The following SRP72 variants were observed in gnomAD, a reference collection of about 807,000 sequenced individuals.
SRP72 encodes the protein signal recognition particle subunit SRP72.
Under a neutral mutation model 96.3 loss-of-function variants are expected in SRP72, and 49 were observed. The observed-to-expected ratio is 0.51, with a 90% CI of 0.40 to 0.65. The LOEUF is 0.65. SRP72 is among the 30% of genes least tolerant of loss of function. The pLI is 0.00. For synonymous variants in SRP72, 267 were observed against 275.2 expected (o/e 0.97, Z 0.30); for missense variants, 736 against 793.3 (o/e 0.93, Z 0.87).
chr4:56,478,961 A>G (rs1162107479), intron 8 of SRP72, among the ~76,000 whole-genome samples: 1 of 152,174 alleles, frequency 6.6e-6, no homozygotes, highest in Non-Finnish European at 1.5e-5. Context: ...ACTTTTAAGT[A>G]TACGCATGTT....
chr4:56,474,759 A>G (rs1278020789), intron 5 of SRP72, among the ~76,000 whole-genome samples: 1 of 152,026 alleles, frequency 6.6e-6, no homozygotes, highest in East Asian at 1.9e-4. Flanking sequence ...GGCCAGGCTC[A>G]TTTCACCCTC....
chr4:56,495,323 CA>C, intron 16 of SRP72, 33 bp from the exon 17 acceptor site: 1 of 1,412,126 alleles, frequency 7.1e-7, no homozygotes, highest in Non-Finnish European at 9.8e-7. Context: ...TATTTTATCA[CA>C]AAGATGGTAA....
At chr4:56,480,061 A>G (rs749909552) in intron 8 of SRP72, among the ~76,000 whole-genome samples, 3 of 152,132 alleles carry the variant, frequency 2.0e-5, no homozygotes. Flanking sequence ...TTCCCCTTCT[A>G]CTACTTAGTG....
At chr4:56,467,773 G>GGGGGGCAGGGGGGGGGC in intron 1 of SRP72, 29 bp downstream of exon 1, 2 of 1,078,608 alleles carry the variant, frequency 1.9e-6, no homozygotes, top group Non-Finnish European at 2.6e-6. Context: ...ACTGGGGCGG[G>GGGGGGCAGGGGGGGGGC]CCCAGGCCGG....
chr4:56,503,052 ACT>A lies in SRP72; in HGVS notation c.*1194_*1195del, dbSNP rs1239182117. ...ACAAGTATTTCCTTGTGATTATATT[ACT>A]CTGTCCTTGTTAATAAAGTGCTGCT... On this transcript the variant is annotated 3_prime_UTR_variant, in exon 19 of 19. Coordinates refer to ENST00000642900, the MANE Select transcript of SRP72 (RefSeq NM_006947.4). The A allele has an allele frequency of 2.0e-5, 3 of 152,122 alleles. No individual in the cohort carries two copies. Among genetic ancestry groups the A allele is most frequent in the Non-Finnish European group, 4.4e-5 (3 of 68,016 alleles). The allele number at this position is 152,122 out of a possible 1,614,324, so 9.4% of individuals were successfully genotyped here.
chr4:56,475,000 G>A (rs1720150185), intron 5 of SRP72, among the ~76,000 whole-genome samples: 1 of 151,942 alleles, frequency 6.6e-6, no homozygotes, highest in Non-Finnish European at 1.5e-5. Context: ...TTTTAATTAA[G>A]AAAAAAATTA....
intron 18 of SRP72, among the ~76,000 whole-genome samples, chr4:56,501,169 A>G (rs1190976763): frequency 6.6e-6 from 1 of 152,178 alleles, no homozygotes; most frequent in African/African-American, 2.4e-5. Flanking sequence ...GCACTTTGGG[A>G]GGCCAAAGCA....
chr4:56,476,609 A>C, intron 5 of SRP72, 62 bp from the exon 6 acceptor site: 9 of 1,546,612 alleles, frequency 5.8e-6, no homozygotes, highest in Non-Finnish European at 4.5e-6. Context: ...TGCTCTTTGG[A>C]ATAGTGAAAG....
At chr4:56,471,071 G>A (rs1350596263) in intron 2 of SRP72, among the ~76,000 whole-genome samples, 1 of 151,960 alleles carries the variant, frequency 6.6e-6, no homozygotes, top group Non-Finnish European at 1.5e-5. Flanking sequence ...CAAAGTGCTG[G>A]GATTACAGGC....
chr4:56,486,411 C>T lies in SRP72; in HGVS notation c.1159+14C>T. 1 of 1,563,968 alleles carries T rather than the reference C, an allele frequency of 6.4e-7. No individual in the cohort carries two copies. Among genetic ancestry groups the T allele is most frequent in the Non-Finnish European group, 8.7e-7 (1 of 1,147,808 alleles). On this transcript the variant is annotated intron_variant, in intron 11 of 18. Coordinates refer to ENST00000642900, the MANE Select transcript of SRP72 (RefSeq NM_006947.4). ...AAATTTCTCAAGGTATTATGGTTTTCATCATGATTAAAATATTTTAATGAA... is the reference window on the plus strand; with the variant it reads ...AAATTTCTCAAGGTATTATGGTTTTTATCATGATTAAAATATTTTAATGAA...
At chr4:56,501,584 GGAGATTGTTAAGTGT>G in intron 18 of SRP72, 85 bp from the exon 19 acceptor site, 1 of 993,604 alleles carries the variant, frequency 1.0e-6, no homozygotes, top group South Asian at 1.7e-5. Context: ...AAAATGTGTG[GGAGATTGTTAAGTGT>G]GATAAGTAAA....
In SRP72 at chr4:56,496,780, G is replaced by C. The variant is rs1264246841; in HGVS notation, c.1678+1386G>C. Among the ~76,000 whole-genome samples the C allele has an allele frequency of 3.3e-5, 5 of 152,248 alleles. No individual in the cohort carries two copies. In the South Asian group the frequency reaches 1.0e-3, roughly 32 times the overall value. ...AGGTGGGTGGATCATTTGAGGTCAG[G>C]AGTTCGAGACCAGCCTGGCCAACCT... On this transcript the variant is annotated intron_variant, in intron 17 of 18. Coordinates refer to ENST00000642900, the MANE Select transcript of SRP72 (RefSeq NM_006947.4).
At chr4:56,495,294 T>C in intron 16 of SRP72, 63 bp from the exon 17 acceptor site, 1 of 1,192,850 alleles carries the variant, frequency 8.4e-7, no homozygotes. Flanking sequence ...TATAGAGCAC[T>C]TACTTAATGC....
chr4:56,501,639 C>CT (rs764803792), intron 18 of SRP72, 45 bp from the exon 19 acceptor site: 19 of 1,554,172 alleles, frequency 1.2e-5, no homozygotes, highest in Non-Finnish European at 1.6e-5. Flanking sequence ...TATACTCTTC[C>CT]TTCGTTGAAT....
chr4:56,474,166 C>T lies in SRP72; in HGVS notation c.467C>T (p.Ala156Val), dbSNP rs765608871. 3.7e-6 allele frequency: 6 copies of T among 1,614,072 alleles called. No homozygotes were observed. The South Asian group carries it at 4.4e-5, about 12-fold the overall frequency. Residue 156 changes from alanine to valine, a missense_variant, in exon 4 of 19, where the codon GCA (alanine) becomes GTA (valine). By Grantham distance (64) the Ala-to-Val change is moderately conservative (BLOSUM62 0). This residue lies in a region of SRP72 where 329 missense variants were observed against 319.0 expected (regional missense o/e 1.03). Coordinates refer to ENST00000642900, the MANE Select transcript of SRP72 (RefSeq NM_006947.4). ...AAAACAAACCTTTCAGCAGTTGTTG[C>T]AGCTCAAAGCAATTGGGAAAAAGTG... ...ERKTNLSAVV[A>V]AQSNWEKVVP...
intron 10 of SRP72, among the ~76,000 whole-genome samples, chr4:56,485,547 T>C (rs1720674686): frequency 6.6e-6 from 1 of 152,104 alleles, no homozygotes; most frequent in Non-Finnish European, 1.5e-5. Context: ...ACGTCTGTAA[T>C]CCCAGCACTT....
intron 13 of SRP72, among the ~76,000 whole-genome samples, chr4:56,489,994 G>A (rs1289717655): frequency 6.6e-6 from 1 of 152,186 alleles, no homozygotes; most frequent in Admixed American, 6.5e-5. Context: ...AGGGGTATCA[G>A]TGCTCTGGGA....
chr4:56,473,335 C>T (rs981066326), intron 3 of SRP72, among the ~76,000 whole-genome samples: 5 of 151,884 alleles, frequency 3.3e-5, no homozygotes, highest in Non-Finnish European at 7.4e-5. Flanking sequence ...TGGCGGGCGC[C>T]TGGTCCCAGC....
rs1721305441 is a variant in SRP72, at chr4:56,502,590, A to G, written c.*729A>G. 6.7e-6 allele frequency: 1 copy of G among 149,914 alleles called. No individual in the cohort carries two copies. The allele number at this position is 149,914 out of a possible 1,614,324, so 9.3% of individuals were successfully genotyped here. On this transcript the variant is annotated 3_prime_UTR_variant, in exon 19 of 19. Coordinates refer to ENST00000642900, the MANE Select transcript of SRP72 (RefSeq NM_006947.4). Reference sequence around the variant, plus strand: ...TATGGTAGCATGCTGATACAGCACCATGAAAGAACTCAAGGAAAATATATC... The same window carrying G: ...TATGGTAGCATGCTGATACAGCACCGTGAAAGAACTCAAGGAAAATATATC...
Sources: allele counts gnomAD v4.1 joint callset (sites outside exome capture counted in the v4.1 genomes callset), GRCh38; gene constraint gnomAD v4.1.1; regional missense constraint gnomAD v4.1.1; transcripts MANE v1.5; gene names NCBI Gene and HGNC (gene_info 2026-07-23, HGNC 2026-07-21).